The following ASIC2 variants were observed in gnomAD, a reference collection of about 807,000 sequenced individuals.
ASIC2 encodes the protein acid-sensing ion channel 2.
A neutral mutation model predicts 57.3 loss-of-function variants in ASIC2; 25 were observed. The observed-to-expected ratio is 0.44, with a 90% confidence interval of 0.32 to 0.61. ASIC2 has a LOEUF of 0.61. Ranked by LOEUF, ASIC2 falls within the 20% of genes least tolerant of loss-of-function variation. ASIC2 has a pLI of 0.06. For missense variants in ASIC2, 641 were observed against 738.1 expected, an observed-to-expected ratio of 0.87 and a Z score of 1.52; for synonymous variants, 319 against 307.5, an observed-to-expected ratio of 1.04 and a Z score of -0.39.
At chr17:33,943,902 C>T (rs958085471) in intron 1 of ASIC2, among the ~76,000 whole-genome samples, 3 of 152,070 alleles carry the variant, frequency 2.0e-5, no homozygotes, top group Admixed American at 6.5e-5. Flanking sequence ...GTTTCTTCTT[C>T]TGATTCACCC....
chr17:33,074,926 A>AAGATGGATGTTAC (rs1352490746), intron 3 of ASIC2, among the ~76,000 whole-genome samples: 2 of 152,208 alleles, frequency 1.3e-5, no homozygotes, highest in Admixed American at 1.3e-4. Flanking sequence ...ATGGCATGCA[A>AAGATGGATGTTAC]AGATGGATGT....
chr17:34,145,992 G>A (rs1912406655), intron 1 of ASIC2, among the ~76,000 whole-genome samples: 3 of 152,242 alleles, frequency 2.0e-5, no homozygotes, highest in Admixed American at 2.0e-4. Context: ...TAGGAAATGA[G>A]AATGCAGGTG....
intron 1 of ASIC2, among the ~76,000 whole-genome samples, chr17:33,457,542 G>T (rs1445939969): frequency 1.9e-5 from 2 of 107,702 alleles, no homozygotes; most frequent in East Asian, 4.7e-4. Flanking sequence ...CATACTAAAG[G>T]CCAGGCATAA....
chr17:33,969,389 C>T (rs1280318890), intron 1 of ASIC2, among the ~76,000 whole-genome samples: 4 of 152,212 alleles, frequency 2.6e-5, no homozygotes, highest in African/African-American at 9.6e-5. Context: ...CTAGCACAGA[C>T]GATGTTGGTT....
At chr17:33,857,368 A>G (rs1913987461) in intron 1 of ASIC2, among the ~76,000 whole-genome samples, 1 of 152,218 alleles carries the variant, frequency 6.6e-6, no homozygotes, top group African/African-American at 2.4e-5. Context: ...GTGAAAGGCA[A>G]GGTGAGAGAT....
intron 1 of ASIC2, among the ~76,000 whole-genome samples, chr17:33,365,153 A>ATGTATG (rs1908758272): frequency 1.3e-5 from 2 of 151,978 alleles, no homozygotes; most frequent in Non-Finnish European, 2.9e-5. Context: ...TACATACAGA[A>ATGTATG]CCCTCTGCCT....
chr17:33,568,740 G>A (rs1468824701), intron 1 of ASIC2, among the ~76,000 whole-genome samples: 1 of 152,104 alleles, frequency 6.6e-6, no homozygotes, highest in Non-Finnish European at 1.5e-5. Context: ...TTGAGGGGAA[G>A]GAATGTATTT....
At chr17:33,476,545 GTGTGT>G (rs1567624920) in intron 1 of ASIC2, among the ~76,000 whole-genome samples, 1 of 88,382 alleles carries the variant, frequency 1.1e-5, no homozygotes, top group Non-Finnish European at 2.5e-5. Context: ...ATGTACAGGG[GTGTGT>G]GTGTGTGTGT....
intron 1 of ASIC2, among the ~76,000 whole-genome samples, chr17:33,550,423 C>A (rs901281451): frequency 2.0e-5 from 3 of 152,120 alleles, no homozygotes; most frequent in Admixed American, 2.0e-4. Context: ...GTTAACAGGG[C>A]GGGACAAATC....
chr17:33,893,303 T>G (rs1204462221), intron 1 of ASIC2, among the ~76,000 whole-genome samples: 2 of 152,140 alleles, frequency 1.3e-5, no homozygotes, highest in Non-Finnish European at 2.9e-5. Context: ...ACCACTTCCT[T>G]TATGAGGAGC....
intron 1 of ASIC2, among the ~76,000 whole-genome samples, chr17:33,790,562 A>G (rs947263660): frequency 3.3e-5 from 5 of 152,074 alleles, no homozygotes; most frequent in Admixed American, 6.6e-5. Flanking sequence ...AATTTTGTAT[A>G]TTTTATGAGC....
At position 34,150,358 on chromosome 17, in the gene ASIC2, C is replaced by A. The variant is rs542768839; in HGVS notation, c.555+5620G>T. Among the ~76,000 whole-genome samples, 18 of 152,150 alleles carry A rather than the reference C, an allele frequency of 1.2e-4. 1 individual carries two copies. In the South Asian group the frequency reaches 2.9e-3, roughly 25 times the overall value. ...CTAGAGTTAATAACAATATATTGAA[C>A]AACTGAAAATTGCTAAGGGGGTAAA... On this transcript the variant is annotated intron_variant, in intron 1 of 9. Coordinates refer to the ASIC2 transcript ENST00000359872.
At chr17:33,226,520 A>G (rs770807190) in intron 1 of ASIC2, among the ~76,000 whole-genome samples, 3 of 152,228 alleles carry the variant, frequency 2.0e-5, no homozygotes, top group Non-Finnish European at 4.4e-5. Flanking sequence ...GCCAGCAAGG[A>G]AAAGAGGTTA....
intron 4 of ASIC2, among the ~76,000 whole-genome samples, chr17:33,026,871 A>G (rs1470349483): frequency 6.6e-6 from 1 of 152,170 alleles, no homozygotes; most frequent in East Asian, 1.9e-4. Flanking sequence ...AAGAGTCAAT[A>G]TGCTTTCTCC....
At chr17:33,723,818 C>T (rs747948128) in intron 1 of ASIC2, among the ~76,000 whole-genome samples, 2 of 152,274 alleles carry the variant, frequency 1.3e-5, no homozygotes, top group East Asian at 3.9e-4. Context: ...CAAGATGCAA[C>T]CCTATCAAGC....
At chr17:34,150,910 C>T (rs995227091) in intron 1 of ASIC2, among the ~76,000 whole-genome samples, 3 of 152,012 alleles carry the variant, frequency 2.0e-5, no homozygotes, top group South Asian at 2.1e-4. Flanking sequence ...GTCAGGAGTA[C>T]GAGACCGGCC....
At chr17:33,221,401 A>C (rs1907687549) in intron 1 of ASIC2, among the ~76,000 whole-genome samples, 1 of 152,258 alleles carries the variant, frequency 6.6e-6, no homozygotes, top group Admixed American at 6.5e-5. Flanking sequence ...AGAATCTTCA[A>C]GGACCAGGAA....
At chr17:33,994,894 C>T (rs911958306) in intron 1 of ASIC2, among the ~76,000 whole-genome samples, 4 of 152,204 alleles carry the variant, frequency 2.6e-5, no homozygotes, top group South Asian at 4.2e-4. Flanking sequence ...AGAAAAAAAA[C>T]GGTGCTTCTT....
intron 1 of ASIC2, among the ~76,000 whole-genome samples, chr17:33,870,169 G>A (rs182480465): frequency 1.3e-3 from 191 of 147,154 alleles, no homozygotes; most frequent in Non-Finnish European, 2.2e-3. Context: ...AAATTCAGCC[G>A]AGAGAGGAAT....
Sources: allele counts gnomAD v4.1 joint callset (sites outside exome capture counted in the v4.1 genomes callset), GRCh38; gene constraint gnomAD v4.1.1; transcripts MANE v1.5; gene names NCBI Gene and HGNC (gene_info 2026-07-23, HGNC 2026-07-21).